ATF3: variants seen among roughly 807,000 people sequenced by gnomAD.
ATF3 encodes the protein cyclic AMP-dependent transcription factor ATF-3.
Under a neutral mutation model 18.4 loss-of-function variants are expected in ATF3, and 10 were observed. That is an observed-to-expected ratio of 0.54 (90% CI 0.34 to 0.92). The LOEUF (loss-of-function observed/expected upper bound fraction) is 0.92. Among genes scored for constraint, ATF3 ranks in the 40% least tolerant of loss-of-function variants. ATF3 has a pLI of 0.02. For missense variants in ATF3, 183 were observed against 222.3 expected, an observed-to-expected ratio of 0.82 and a Z score of 1.12; for synonymous variants, 78 against 87.9, an observed-to-expected ratio of 0.89 and a Z score of 0.63.
chr1:212,596,064 C>A (rs994680500), intron 1 of ATF3, among the ~76,000 whole-genome samples: 1 of 152,098 alleles, frequency 6.6e-6, no homozygotes, highest in Non-Finnish European at 1.5e-5. Flanking sequence ...TGGGGTGTGG[C>A]CCCAGTGGAG....
At chr1:212,616,203 G>A (rs890140823) in intron 2 of ATF3, among the ~76,000 whole-genome samples, 1 of 151,966 alleles carries the variant, frequency 6.6e-6, no homozygotes. Flanking sequence ...TTGTATAGAT[G>A]CAGCCCTGGG....
chr1:212,577,472 A>G (rs946568771), intron 1 of ATF3, among the ~76,000 whole-genome samples: 4 of 152,298 alleles, frequency 2.6e-5, no homozygotes, highest in Admixed American at 6.5e-5. Context: ...GTTATTAACT[A>G]TAGTCACTAT....
intron 1 of ATF3, among the ~76,000 whole-genome samples, chr1:212,566,218 C>G (rs1401695857): frequency 6.6e-6 from 1 of 152,170 alleles, no homozygotes; most frequent in African/African-American, 2.4e-5. Context: ...GTTTTGGTTA[C>G]TCCTCTCATC....
intron 1 of ATF3, among the ~76,000 whole-genome samples, chr1:212,596,739 A>G (rs1000171183): frequency 2.0e-5 from 3 of 152,262 alleles, no homozygotes; most frequent in African/African-American, 7.2e-5. Flanking sequence ...CTGGCACATG[A>G]ATGGTGAGCT....
intron 1 of ATF3, among the ~76,000 whole-genome samples, chr1:212,575,465 C>A (rs777813012): frequency 1.3e-5 from 2 of 152,022 alleles, no homozygotes; most frequent in Admixed American, 6.5e-5. Context: ...TGTAGACAAT[C>A]ACATTTTCAG....
At chr1:212,581,143 T>C (rs1014505072) in intron 1 of ATF3, among the ~76,000 whole-genome samples, 2 of 152,198 alleles carry the variant, frequency 1.3e-5, no homozygotes, top group African/African-American at 4.8e-5. Context: ...TTGACTTGGA[T>C]ATAATTTAAA....
rs566937458 is a variant in ATF3 at position 212,618,066 on chromosome 1, G to A, written c.241-61G>A. 1.3e-4 allele frequency: 198 copies of A among 1,542,578 alleles called. No individual in the cohort carries two copies. The African/African-American group carries it at 2.4e-3, about 19-fold the overall frequency. ...GCTTTTGCTGGCAGTAAAAGGCAGTGTATTTGAGGTAGGTGGCATTTCTTA... is the reference window on the plus strand; with the variant it reads ...GCTTTTGCTGGCAGTAAAAGGCAGTATATTTGAGGTAGGTGGCATTTCTTA... On this transcript the variant is annotated intron_variant, in intron 2 of 3. Coordinates refer to ENST00000341491, the MANE Select transcript of ATF3 (RefSeq NM_001674.4). This position sits in a 1 kb window ranked among gnomAD's most constrained non-coding sequence, Gnocchi z 4.4.
Position 212,618,079 on chromosome 1 carries a change from G to A in ATF3, c.241-48G>A. On this transcript the variant is annotated intron_variant, in intron 2 of 3. Transcript: ENST00000341491. This position sits in a 1 kb window ranked among gnomAD's most constrained non-coding sequence, Gnocchi z 4.4. ...GTAAAAGGCAGTGTATTTGAGGTAG[G>A]TGGCATTTCTTACTGCCCTTTAAAT... is the stretch of plus-strand genomic sequence containing the variant. 1.3e-6 allele frequency: 2 copies of A among 1,584,632 alleles called. No homozygotes were observed. The highest frequency in any genetic ancestry group is 1.7e-6 in the Non-Finnish European group (2 of 1,154,040).
chr1:212,578,366 CTTT>C (rs1419119752), intron 1 of ATF3, among the ~76,000 whole-genome samples: 1 of 152,120 alleles, frequency 6.6e-6, no homozygotes, highest in African/African-American at 2.4e-5. Flanking sequence ...ACTCTTTAAT[CTTT>C]TTTAACTGAC....
At chr1:212,617,954 TG>T (rs111517706) in intron 2 of ATF3, among the ~76,000 whole-genome samples, 172 bp from the exon 3 acceptor site, 4,903 of 152,168 alleles carry the variant, frequency 0.032, 160 homozygotes, top group African/African-American at 0.072. Flanking sequence ...TGCGTGTGTG[TG>T]TGTGTGTGTG....
chr1:212,597,161 G>A (rs1393233620), intron 1 of ATF3, among the ~76,000 whole-genome samples: 3 of 152,176 alleles, frequency 2.0e-5, no homozygotes, highest in Non-Finnish European at 4.4e-5. Flanking sequence ...ACAATATGGG[G>A]CCTCCTCGGT....
Position 212,619,727 on chromosome 1 carries a change from C to G in ATF3, c.*172C>G. 1 of 853,574 alleles carries G rather than the reference C, an allele frequency of 1.2e-6. No individual in the cohort carries two copies. Among genetic ancestry groups the G allele is most frequent in the Non-Finnish European group, 1.8e-6 (1 of 565,196 alleles). The allele number at this position is 853,574 out of a possible 1,614,324, so 52.9% of individuals were successfully genotyped here. A position where few individuals can be genotyped will look rare whatever the true frequency, so the allele number is the denominator to read the frequency against. Reference sequence around the variant, plus strand: ...TTCAGCAGGCCCTTCCCATTCTGCCCCAGAGTGGGTCTTGGACCAGGGCAA... The same window carrying G: ...TTCAGCAGGCCCTTCCCATTCTGCCGCAGAGTGGGTCTTGGACCAGGGCAA... On this transcript the variant is annotated 3_prime_UTR_variant, in exon 4 of 4. Coordinates refer to ENST00000341491, the MANE Select transcript of ATF3 (RefSeq NM_001674.4). This position sits in a 1 kb window ranked among gnomAD's most constrained non-coding sequence, Gnocchi z 4.4.
At chr1:212,588,633 AACC>A in intron 1 of ATF3, among the ~76,000 whole-genome samples, 1 of 93,330 alleles carries the variant, frequency 1.1e-5, no homozygotes, top group Non-Finnish European at 2.5e-5. Flanking sequence ...AAAAAACAAC[AACC>A]ACAACAACAA....
At chr1:212,593,278 C>T (rs1404661194) in intron 1 of ATF3, among the ~76,000 whole-genome samples, 21 of 117,904 alleles carry the variant, frequency 1.8e-4, no homozygotes, top group South Asian at 5.5e-4. Context: ...CATCACACAC[C>T]GGAGACTGTT....
upstream of ATF3, among the ~76,000 whole-genome samples, chr1:212,605,429 C>A (rs566713292): frequency 2.6e-5 from 4 of 152,212 alleles, no homozygotes; most frequent in South Asian, 2.1e-4. Flanking sequence ...CGTTCCAAAG[C>A]GAAGAAGTAG....
Position 212,619,859 on chromosome 1 carries a change from C to A in ATF3, c.*304C>A. 1 of 329,854 alleles carries A rather than the reference C, an allele frequency of 3.0e-6. No homozygotes were observed. Among genetic ancestry groups the A allele is most frequent in the Non-Finnish European group, 5.9e-6 (1 of 168,470 alleles). The allele number at this position is 329,854 out of a possible 1,614,324, so 20.4% of individuals were successfully genotyped here. A position where few individuals can be genotyped will look rare whatever the true frequency, so the allele number is the denominator to read the frequency against. ...CTGCCCGCCTTTCATCTGGATTCTA[C>A]AAAAAACCAGGATGCCCACCGTTAG... On this transcript the variant is annotated 3_prime_UTR_variant, in exon 4 of 4. Transcript: ENST00000341491. This position sits in a 1 kb window ranked among gnomAD's most constrained non-coding sequence, Gnocchi z 4.4.
In ATF3 at chr1:212,611,476, G is replaced by A. The variant is rs552540577; in HGVS notation, c.-5+2546G>A. ...ATCTCAAATTACAGAGGAAGAGAAT[G>A]AGAGGCCCAGAAAGCCTAAGTGATT... On this transcript the variant is annotated intron_variant, in intron 1 of 3. Coordinates refer to ENST00000341491, the MANE Select transcript of ATF3 (RefSeq NM_001674.4). 8.5e-5 allele frequency among the ~76,000 whole-genome samples: 13 copies of A among 152,336 alleles called. No individual in the cohort carries two copies. In the East Asian group the frequency reaches 2.3e-3, roughly 27 times the overall value.
rs1229522092 is a variant in ATF3 at position 212,608,836 on chromosome 1, G to T, written c.-99G>T. ...CGCCCGAGCGCACCCTTCAGCCCGC[G>T]CGCCGGCCGTGAGTCCTCGGTGCTC... is the stretch of plus-strand genomic sequence containing the variant. On this transcript the variant is annotated 5_prime_UTR_variant, in exon 1 of 4. Coordinates refer to ENST00000341491, the MANE Select transcript of ATF3 (RefSeq NM_001674.4). 1 of 152,538 alleles carries T rather than the reference G, an allele frequency of 6.6e-6. No homozygotes were observed. The highest frequency in any genetic ancestry group is 6.6e-5 in the Admixed American group (1 of 15,264). The allele number at this position is 152,538 out of a possible 1,614,324, so 9.4% of individuals were successfully genotyped here.
intron 1 of ATF3, among the ~76,000 whole-genome samples, chr1:212,567,971 C>T (rs1299320210): frequency 6.6e-6 from 1 of 152,218 alleles, no homozygotes; most frequent in Non-Finnish European, 1.5e-5. Context: ...ATATTAATAA[C>T]ACTTTCTTTG....
Sources: gnomAD v4.1 joint callset for allele counts (sites outside exome capture counted in the v4.1 genomes callset) on GRCh38, gnomAD v4.1.1 for gene constraint, Gnocchi (gnomAD v3.1) non-coding constraint, MANE v1.5 for transcripts, NCBI Gene and HGNC (gene_info 2026-07-23, HGNC 2026-07-21) for gene names.